Variants in PLA1A observed in about 807,000 individuals in gnomAD.
PLA1A encodes phospholipase A1 member A.
A neutral mutation model predicts 49.4 loss-of-function variants in PLA1A; 47 were observed. The ratio of observed to expected loss-of-function variants is 0.95; its 90% CI spans 0.75 to 1.21. The LOEUF (loss-of-function observed/expected upper bound fraction) is 1.21. PLA1A is among the 50% of genes most tolerant of loss of function. The probability of loss-of-function intolerance (pLI) is 0.00; values close to 1 mark genes in which losing one functional copy is unlikely to be tolerated. For missense variants in PLA1A, 561 were observed against 563.9 expected (o/e 0.99, Z 0.05); for synonymous variants, 224 against 207.9 (o/e 1.08, Z -0.67).
At chr3:119,613,532 C>T (rs1245066881) in intron 5 of PLA1A, among the ~76,000 whole-genome samples, 1 of 152,208 alleles carries the variant, frequency 6.6e-6, no homozygotes, top group Admixed American at 6.5e-5. Flanking sequence ...CCCAGGCAGG[C>T]AGGCCTGTCA....
At chr3:119,604,254 T>A (rs2082655026) in intron 1 of PLA1A, among the ~76,000 whole-genome samples, 1 of 152,144 alleles carries the variant, frequency 6.6e-6, no homozygotes, top group South Asian at 2.1e-4. Context: ...ACTGGGTATA[T>A]ATCCAAAAGA....
chr3:119,604,345 G>A lies in PLA1A; in HGVS notation c.74-2429G>A, dbSNP rs150465015. Among the ~76,000 whole-genome samples, 334 of 152,100 alleles carry A rather than the reference G, an allele frequency of 2.2e-3. 1 individual carries two copies. Among genetic ancestry groups the A allele is most frequent in the Middle Eastern group, 6.8e-3 (2 of 294 alleles). On this transcript the variant is annotated intron_variant, in intron 1 of 10. Transcript: ENST00000273371. ...CACTGTTCACAATAGCCAAGATATA[G>A]AACCAACCTAAGAGCCCATCAACTA...
intron 5 of PLA1A, among the ~76,000 whole-genome samples, chr3:119,613,914 C>T (rs1246865691): frequency 6.6e-6 from 1 of 151,128 alleles, no homozygotes; most frequent in African/African-American, 2.4e-5. Context: ...AAAAAAGAAT[C>T]CCTTTTCCAA....
intron 1 of PLA1A, chr3:119,600,498 T>G: frequency 1.5e-6 from 1 of 683,962 alleles, no homozygotes; most frequent in Admixed American, 2.1e-5. Flanking sequence ...TATTTTCCCT[T>G]TCTCCGCTAG....
chr3:119,606,334 T>C (rs1039902368), intron 1 of PLA1A, among the ~76,000 whole-genome samples: 3 of 152,198 alleles, frequency 2.0e-5, no homozygotes, highest in African/African-American at 4.8e-5. Flanking sequence ...GTGTCCAAAT[T>C]TCCTCTTTAT....
At chr3:119,605,130 G>C (rs1419749447) in intron 1 of PLA1A, among the ~76,000 whole-genome samples, 1 of 152,138 alleles carries the variant, frequency 6.6e-6, no homozygotes, top group Non-Finnish European at 1.5e-5. Context: ...CCAAATGCTG[G>C]GGGAGGCTGA....
At chr3:119,608,081 G>A (rs770061517) in intron 2 of PLA1A, among the ~76,000 whole-genome samples, 26 of 152,130 alleles carry the variant, frequency 1.7e-4, no homozygotes, top group African/African-American at 6.3e-4. Flanking sequence ...TTTTTGGAAA[G>A]CACCTAGCAT....
intron 7 of PLA1A, among the ~76,000 whole-genome samples, chr3:119,618,879 T>G (rs1204324781): frequency 6.6e-6 from 1 of 152,176 alleles, no homozygotes; most frequent in Non-Finnish European, 1.5e-5. Flanking sequence ...TGTCACTGCT[T>G]ATATGAGTGA....
chr3:119,613,118 A>C lies in PLA1A; in HGVS notation c.664A>C (p.Asn222His). ...FVEAIHTDTDNLGIRIPVGHV... is the reference protein window; with the variant it reads ...FVEAIHTDTDHLGIRIPVGHV... ...GGAAGCCATCCACACAGACACCGAC[A>C]GTGAGCTGGGGTGACCTTCCTGGGA... The change falls in exon 5 of 11, where the codon AAT becomes CAT. Residue 222 changes from asparagine to histidine, a missense_variant and splice_region_variant. By Grantham distance (68) the Asn-to-His change is moderately conservative. Transcript: ENST00000273371. The C allele has an allele frequency of 6.3e-7, 1 of 1,598,346 alleles. No homozygotes were observed. The highest frequency in any genetic ancestry group is 8.5e-7 in the Non-Finnish European group (1 of 1,169,778).
At chr3:119,601,226 G>A (rs1469427893) in intron 1 of PLA1A, among the ~76,000 whole-genome samples, 2 of 152,208 alleles carry the variant, frequency 1.3e-5, no homozygotes, top group African/African-American at 4.8e-5. Flanking sequence ...GGGGGATACC[G>A]ATCTACAGAA....
chr3:119,626,097 A>AT (rs1393871966), intron 9 of PLA1A, among the ~76,000 whole-genome samples: 1 of 152,202 alleles, frequency 6.6e-6, no homozygotes, highest in Non-Finnish European at 1.5e-5. Context: ...CAATGCAGAG[A>AT]TTAATCACAA....
intron 6 of PLA1A, 95 bp downstream of exon 6, chr3:119,616,196 G>T (rs2082846863): frequency 3.9e-6 from 3 of 761,622 alleles, no homozygotes; most frequent in Middle Eastern, 2.3e-4. Flanking sequence ...GGCCATAGAG[G>T]GTCTACTTGA....
intron 9 of PLA1A, 53 bp from the exon 10 acceptor site, chr3:119,628,648 T>C: frequency 1.9e-6 from 3 of 1,555,726 alleles, no homozygotes; most frequent in South Asian, 1.2e-5. Context: ...AAAGGGGAAG[T>C]ACAGGTGGTA....
chr3:119,602,887 T>A lies in PLA1A; in HGVS notation c.74-3887T>A, dbSNP rs927802444. Among the ~76,000 whole-genome samples, 4 of 151,778 alleles carry A rather than the reference T, an allele frequency of 2.6e-5. No individual in the cohort carries two copies. The South Asian group carries it at 6.2e-4, about 24-fold the overall frequency. ...AAGAGAGCACTTGACAAGCAAAGAC[T>A]TGAAGGAGGGGAAGGAACTGCCATG... On this transcript the variant is annotated intron_variant, in intron 1 of 10. Coordinates refer to ENST00000273371, the MANE Select transcript of PLA1A (RefSeq NM_015900.4).
intron 8 of PLA1A, 22 bp from the exon 9 acceptor site, chr3:119,625,102 C>T: frequency 6.6e-7 from 1 of 1,507,116 alleles, no homozygotes; most frequent in Non-Finnish European, 9.2e-7. Flanking sequence ...TGGCCAGTCT[C>T]TGTTGTGCTT....
intron 1 of PLA1A, among the ~76,000 whole-genome samples, chr3:119,603,965 C>T (rs1160468325): frequency 2.0e-5 from 3 of 152,210 alleles, no homozygotes. Context: ...ACTAGAGCTT[C>T]CTCAGTCTAA....
At chr3:119,603,890 AG>A (rs1270558168) in intron 1 of PLA1A, among the ~76,000 whole-genome samples, 3 of 152,216 alleles carry the variant, frequency 2.0e-5, no homozygotes, top group Non-Finnish European at 2.9e-5. Context: ...CTTAAGCCTC[AG>A]TTTCCTAGGA....
At chr3:119,610,039 A>G (rs946410807) in intron 4 of PLA1A, among the ~76,000 whole-genome samples, 1 of 152,100 alleles carries the variant, frequency 6.6e-6, no homozygotes, top group South Asian at 2.1e-4. Flanking sequence ...TGTGCACCCA[A>G]TGTTTAGCTC....
At chr3:119,623,066 TG>T (rs2082967460) in intron 8 of PLA1A, among the ~76,000 whole-genome samples, 1 of 152,206 alleles carries the variant, frequency 6.6e-6, no homozygotes, top group Admixed American at 6.5e-5. Flanking sequence ...TGACCTCAGA[TG>T]ATCTGCCTGC....
Sources: gnomAD v4.1 joint callset for allele counts (sites outside exome capture counted in the v4.1 genomes callset) on GRCh38, gnomAD v4.1.1 for gene constraint, MANE v1.5 for transcripts, NCBI Gene and HGNC (gene_info 2026-07-23, HGNC 2026-07-21) for gene names.